GLIS3: variants seen among roughly 807,000 people sequenced by gnomAD.
GLIS3 encodes GLIS family zinc finger 3.
In GLIS3, 53 loss-of-function variants were observed where a neutral mutation model predicts 78.6. The ratio of observed to expected loss-of-function variants is 0.67; its 90% confidence interval spans 0.54 to 0.85. The LOEUF is 0.85. Among genes scored for constraint, GLIS3 ranks in the 40% least tolerant of loss-of-function variants. The pLI is 0.00. For missense variants in GLIS3, 1,703 were observed against 1,231.1 expected, an observed-to-expected ratio of 1.38 and a Z score of -5.74; for synonymous variants, 684 against 509.9, an observed-to-expected ratio of 1.34 and a Z score of -4.60.
At chr9:4,361,731 T>G in the GLIS3 span, among the ~76,000 whole-genome samples, 2 of 152,210 alleles carry the variant, frequency 1.3e-5, no homozygotes, top group African/African-American at 4.8e-5. Flanking sequence ...GCATTAAAAG[T>G]CAGTGAAGGC....
chr9:4,180,979 C>T (rs1478251309), intron 2 of GLIS3, among the ~76,000 whole-genome samples: 3 of 152,158 alleles, frequency 2.0e-5, no homozygotes, highest in Non-Finnish European at 4.4e-5. Flanking sequence ...AGGTGGGGAA[C>T]AAGGGGCTAA....
At position 4,072,748 on chromosome 9, in the gene GLIS3, T is replaced by G. The variant is rs191384181; in HGVS notation, c.1710+45020A>C. Among the ~76,000 whole-genome samples the G allele has an allele frequency of 6.4e-4, 97 of 152,012 alleles. 2 individuals are homozygous for G. In the East Asian group the frequency reaches 0.015, roughly 23 times the overall value. On this transcript the variant is annotated intron_variant, in intron 4 of 10. Transcript: ENST00000381971. ...GGCTTTCTAAAGAGAACTGTTTTTT[T>G]TTGTTGTTGTTGTTATATCACTGTG...
chr9:4,412,516 T>C, the GLIS3 span, among the ~76,000 whole-genome samples: 59 of 152,184 alleles, frequency 3.9e-4, no homozygotes, highest in African/African-American at 1.4e-3. Flanking sequence ...TGTATCTCTG[T>C]GTATTCCCCT....
chr9:4,212,589 T>A (rs1303676112), intron 2 of GLIS3, among the ~76,000 whole-genome samples: 1 of 152,320 alleles, frequency 6.6e-6, no homozygotes, highest in African/African-American at 2.4e-5. Context: ...CCTCTCACCT[T>A]GATTTTGATA....
chr9:4,190,922 C>T (rs1257885397), intron 2 of GLIS3, among the ~76,000 whole-genome samples: 5 of 152,078 alleles, frequency 3.3e-5, no homozygotes, highest in Non-Finnish European at 5.9e-5. Context: ...AATTTCACAT[C>T]CAGCCAAACT....
At chr9:3,999,521 T>C (rs963121301) in intron 4 of GLIS3, among the ~76,000 whole-genome samples, 4 of 152,120 alleles carry the variant, frequency 2.6e-5, no homozygotes, top group Non-Finnish European at 5.9e-5. Flanking sequence ...TGAAAATTTA[T>C]AATATACCAT....
At chr9:4,390,038 C>A in the GLIS3 span, among the ~76,000 whole-genome samples, 1 of 152,176 alleles carries the variant, frequency 6.6e-6, no homozygotes, top group Non-Finnish European at 1.5e-5. Context: ...CTATGTGCTG[C>A]AATGGGCTAA....
At chr9:3,925,493 C>T (rs1380244823) in intron 6 of GLIS3, among the ~76,000 whole-genome samples, 2 of 152,156 alleles carry the variant, frequency 1.3e-5, no homozygotes, top group Admixed American at 1.3e-4. Flanking sequence ...GAAGTGTTCT[C>T]CCCATGTCTG....
At chr9:4,444,346 T>C in the GLIS3 span, among the ~76,000 whole-genome samples, 5 of 152,352 alleles carry the variant, frequency 3.3e-5, no homozygotes, top group South Asian at 8.3e-4. Context: ...TCAGAGATAT[T>C]ATGTAATCAC....
At chr9:4,062,747 G>A (rs1374827228) in intron 4 of GLIS3, among the ~76,000 whole-genome samples, 2 of 152,076 alleles carry the variant, frequency 1.3e-5, no homozygotes, top group Admixed American at 6.6e-5. Flanking sequence ...CTAACACAGC[G>A]AAACCCCATC....
At chr9:4,391,569 G>C in the GLIS3 span, among the ~76,000 whole-genome samples, 1 of 151,884 alleles carries the variant, frequency 6.6e-6, no homozygotes, top group Non-Finnish European at 1.5e-5. Flanking sequence ...GTGTGTGTGT[G>C]TGTGTGTGTT....
chr9:3,848,671 T>G lies in GLIS3; in HGVS notation c.2473+7338A>C, dbSNP rs118042268. 6.4e-3 allele frequency among the ~76,000 whole-genome samples: 968 copies of G among 152,320 alleles called. 11 individuals carry two copies. Among genetic ancestry groups the G allele is most frequent in the Non-Finnish European group, 0.011 (722 of 68,030 alleles). On this transcript the variant is annotated intron_variant, in intron 9 of 10. Transcript: ENST00000381971. The stretch of plus-strand genomic sequence containing the variant: ...CAACTGAGGAAGAAGTTAGCTAAAC[T>G]TGTACTTGCCACCTCGCTGCCATTT...
the GLIS3 span, among the ~76,000 whole-genome samples, chr9:4,359,561 G>A: frequency 6.6e-5 from 10 of 152,274 alleles, no homozygotes; most frequent in East Asian, 1.5e-3. Flanking sequence ...GTTGACAGGG[G>A]CAACAGACCC....
chr9:4,439,763 G>C, the GLIS3 span, among the ~76,000 whole-genome samples: 1 of 152,010 alleles, frequency 6.6e-6, no homozygotes, highest in African/African-American at 2.4e-5. Context: ...TCATATTTGG[G>C]AACCTTCCCA....
chr9:4,272,382 T>C (rs1826594174), intron 2 of GLIS3, among the ~76,000 whole-genome samples: 2 of 152,132 alleles, frequency 1.3e-5, no homozygotes, highest in African/African-American at 2.4e-5. Flanking sequence ...ACCTAACCTT[T>C]TGAGGCAATC....
the GLIS3 span, among the ~76,000 whole-genome samples, chr9:4,431,597 C>T: frequency 3.3e-5 from 5 of 152,288 alleles, no homozygotes; most frequent in Admixed American, 1.3e-4. Flanking sequence ...GTAATCCCAG[C>T]ACTTTGGGAG....
chr9:3,935,426 T>A (rs1361680127), intron 5 of GLIS3, among the ~76,000 whole-genome samples: 2 of 152,118 alleles, frequency 1.3e-5, no homozygotes, highest in Non-Finnish European at 1.5e-5. Flanking sequence ...TCCTCAAAAG[T>A]TTTTTAAAAA....
At chr9:4,369,589 A>C in the GLIS3 span, among the ~76,000 whole-genome samples, 1 of 151,866 alleles carries the variant, frequency 6.6e-6, no homozygotes, top group African/African-American at 2.4e-5. Context: ...GCTCTGATAC[A>C]CCCTCCCCTG....
chr9:3,908,916 G>C (rs767809275), intron 6 of GLIS3, among the ~76,000 whole-genome samples: 4 of 152,022 alleles, frequency 2.6e-5, no homozygotes, highest in Non-Finnish European at 5.9e-5. Context: ...TTTATTCTAG[G>C]AGCAAAGGCA....
Sources: gnomAD v4.1 joint callset for allele counts (sites outside exome capture counted in the v4.1 genomes callset) on GRCh38, gnomAD v4.1.1 for gene constraint, MANE v1.5 for transcripts, NCBI Gene and HGNC (gene_info 2026-07-23, HGNC 2026-07-21) for gene names.